PCDH9: variants seen among roughly 807,000 people sequenced by gnomAD.
The protein encoded by PCDH9 is protocadherin-9.
Under a neutral mutation model 70.6 loss-of-function variants are expected in PCDH9, and 24 were observed. The ratio of observed to expected loss-of-function variants is 0.34; its 90% CI spans 0.25 to 0.48. PCDH9 has a LOEUF of 0.48. Among genes scored for constraint, PCDH9 ranks in the 20% least tolerant of loss-of-function variants. The pLI, the probability that PCDH9 is intolerant of heterozygous loss-of-function variation, is 0.99. For synonymous variants in PCDH9, 562 were observed against 558.5 expected, an observed-to-expected ratio of 1.01 and a Z score of -0.09; for missense variants, 1,281 against 1,503.6, an observed-to-expected ratio of 0.85 and a Z score of 2.45.
At chr13:66,890,407 T>C (rs2082075968) in intron 3 of PCDH9, among the ~76,000 whole-genome samples, 1 of 148,570 alleles carries the variant, frequency 6.7e-6, no homozygotes, top group Non-Finnish European at 1.5e-5. Flanking sequence ...TTAGCTTGAC[T>C]AAACTTTAGA....
intron 2 of PCDH9, among the ~76,000 whole-genome samples, chr13:67,179,512 T>C (rs1208049648): frequency 6.6e-6 from 1 of 152,008 alleles, no homozygotes; most frequent in Non-Finnish European, 1.5e-5. Context: ...AGCTTATAGG[T>C]CAAATCAAGA....
At chr13:66,684,705 T>A (rs1408813435) in intron 3 of PCDH9, among the ~76,000 whole-genome samples, 1 of 152,154 alleles carries the variant, frequency 6.6e-6, no homozygotes, top group Non-Finnish European at 1.5e-5. Context: ...TTATAAATTA[T>A]CCAGTCTTGG....
intron 3 of PCDH9, among the ~76,000 whole-genome samples, chr13:66,895,898 T>C (rs1241749762): frequency 6.6e-6 from 1 of 152,202 alleles, no homozygotes; most frequent in Non-Finnish European, 1.5e-5. Context: ...ATTTTCTACA[T>C]GAACAGCTGC....
At chr13:66,538,101 T>C (rs1019999796) in intron 4 of PCDH9, among the ~76,000 whole-genome samples, 2 of 152,144 alleles carry the variant, frequency 1.3e-5, no homozygotes, top group Non-Finnish European at 2.9e-5. Context: ...AAAAAGTCTT[T>C]CGTGCTAGTG....
At chr13:66,508,975 A>G (rs917762296) in intron 4 of PCDH9, among the ~76,000 whole-genome samples, 3 of 152,222 alleles carry the variant, frequency 2.0e-5, no homozygotes, top group African/African-American at 7.2e-5. Flanking sequence ...AACATAATGA[A>G]CATAATGAAT....
chr13:66,381,054 G>A (rs1408019272), intron 4 of PCDH9, among the ~76,000 whole-genome samples: 1 of 151,992 alleles, frequency 6.6e-6, no homozygotes, highest in African/African-American at 2.4e-5. Context: ...CTTTACTCTT[G>A]TCAAAAAAAT....
intron 3 of PCDH9, among the ~76,000 whole-genome samples, chr13:66,777,724 C>T (rs1373099861): frequency 3.9e-5 from 6 of 152,146 alleles, no homozygotes; most frequent in Non-Finnish European, 7.3e-5. Flanking sequence ...GTCAGTGTGG[C>T]GATTCCTCAC....
rs558760339 is a variant in PCDH9, at chr13:66,776,972, G to A, written c.3138+126532C>T. On this transcript the variant is annotated intron_variant, in intron 3 of 4. Transcript: ENST00000377865. ...ACAGTACACAGCCCTCAGAAATAACGCCGCATATCTACAACTATCTGATCT... is the reference window on the plus strand; with the variant it reads ...ACAGTACACAGCCCTCAGAAATAACACCGCATATCTACAACTATCTGATCT... Among the ~76,000 whole-genome samples, 14 of 151,006 alleles carry A rather than the reference G, an allele frequency of 9.3e-5. No homozygotes were observed. In the South Asian group the frequency reaches 1.3e-3, roughly 14 times the overall value.
Position 66,487,704 on chromosome 13 carries a change from T to C in PCDH9, c.3340+143506A>G, listed in dbSNP as rs191996813. Among the ~76,000 whole-genome samples, 64 of 152,308 alleles carry C rather than the reference T, an allele frequency of 4.2e-4. 1 individual carries two copies. In the East Asian group the frequency reaches 0.011, roughly 27 times the overall value. On this transcript the variant is annotated intron_variant, in intron 4 of 4. Coordinates refer to ENST00000377865, the MANE Select transcript of PCDH9 (RefSeq NM_203487.3). Reference sequence around the variant, plus strand: ...AATGAGCTACCACTTCAAATCCCTATCAAGTTATGATTTTATTGGGTGAAT... The same window carrying C: ...AATGAGCTACCACTTCAAATCCCTACCAAGTTATGATTTTATTGGGTGAAT...
intron 2 of PCDH9, among the ~76,000 whole-genome samples, chr13:67,067,363 T>A (rs867662653): frequency 2.7e-4 from 41 of 152,086 alleles, no homozygotes; most frequent in African/African-American, 9.4e-4. Context: ...GTATCAAAAA[T>A]TGTATCATTT....
intron 3 of PCDH9, among the ~76,000 whole-genome samples, chr13:66,826,046 C>G (rs1358633419): frequency 6.6e-6 from 1 of 151,850 alleles, no homozygotes. Flanking sequence ...TAAAGACTTC[C>G]TAAATATTTC....
At chr13:66,936,978 A>G (rs1251934604) in intron 2 of PCDH9, among the ~76,000 whole-genome samples, 4 of 152,240 alleles carry the variant, frequency 2.6e-5, no homozygotes, top group African/African-American at 9.6e-5. Context: ...TTGGAAAGGC[A>G]GAAGAATTTC....
In PCDH9 at chr13:67,228,278, C is replaced by T; in HGVS notation, c.163G>A (p.Ala55Thr). 2 of 1,613,906 alleles carry T rather than the reference C, an allele frequency of 1.2e-6. No homozygotes were observed. Among genetic ancestry groups the T allele is most frequent in the Non-Finnish European group, 1.7e-6 (2 of 1,179,950 alleles). ...KDLNISHINA[A>T]TGTSASLVYR... ...ACAAGGCTGGCGCTGGTCCCTGTGG[C>T]AGCATTGATGTGAGAAATGTTCAGA... Residue 55 changes from alanine (A) to threonine (T), a missense_variant, in exon 2 of 5, where the codon GCC (alanine) becomes ACC (threonine). Ala to Thr is a moderately conservative substitution (Grantham distance 58). Coordinates refer to ENST00000377865, the MANE Select transcript of PCDH9 (RefSeq NM_203487.3).
chr13:66,639,378 G>T (rs921440367), intron 3 of PCDH9, among the ~76,000 whole-genome samples: 1 of 152,176 alleles, frequency 6.6e-6, no homozygotes, highest in Admixed American at 6.5e-5. Context: ...CTAAGGATCT[G>T]TATTTTTTCT....
intron 4 of PCDH9, among the ~76,000 whole-genome samples, chr13:66,550,818 G>A (rs927018345): frequency 2.6e-5 from 4 of 152,078 alleles, no homozygotes; most frequent in East Asian, 1.9e-4. Flanking sequence ...TTTTATCAAC[G>A]AACACTCATT....
chr13:66,352,456 C>T (rs1342502489), intron 4 of PCDH9, among the ~76,000 whole-genome samples: 2 of 152,076 alleles, frequency 1.3e-5, no homozygotes, highest in Non-Finnish European at 2.9e-5. Context: ...AAGGTCAAGA[C>T]CAGCTGGCTG....
intron 3 of PCDH9, among the ~76,000 whole-genome samples, chr13:66,895,649 C>A (rs1284739503): frequency 6.6e-6 from 1 of 152,182 alleles, no homozygotes; most frequent in African/African-American, 2.4e-5. Flanking sequence ...CGAGAACATG[C>A]AACTTCAATG....
At chr13:66,593,888 TA>T (rs2077068622) in intron 4 of PCDH9, among the ~76,000 whole-genome samples, 1 of 151,744 alleles carries the variant, frequency 6.6e-6, no homozygotes, top group African/African-American at 2.4e-5. Flanking sequence ...ATGTAGATAG[TA>T]CTCATCAGAA....
At chr13:66,596,799 C>A (rs768104651) in intron 4 of PCDH9, among the ~76,000 whole-genome samples, 6 of 145,338 alleles carry the variant, frequency 4.1e-5, no homozygotes, top group African/African-American at 1.5e-4. Flanking sequence ...CCCAATTAAC[C>A]TCTTTTATAA....
Sources: allele counts gnomAD v4.1 joint callset (sites outside exome capture counted in the v4.1 genomes callset), GRCh38; gene constraint gnomAD v4.1.1; transcripts MANE v1.5; gene names NCBI Gene and HGNC (gene_info 2026-07-23, HGNC 2026-07-21).